Variants in FATE1 observed in about 807,000 individuals in gnomAD.
The protein encoded by FATE1 is fetal and adult testis-expressed transcript protein.
FATE1 carries 18 observed loss-of-function variants against 16.0 expected under a neutral mutation model. The observed-to-expected ratio is 1.12, with a 90% CI of 0.78 to 1.66. The LOEUF (loss-of-function observed/expected upper bound fraction) is 1.66, where lower values mean the gene tolerates loss of function less well. FATE1 is among the 40% of genes most tolerant of loss of function. FATE1 has a pLI of 0.00. For missense variants in FATE1, 169 were observed against 152.7 expected (o/e 1.11, Z -0.56); for synonymous variants, 76 against 56.9 (o/e 1.34, Z -1.51).
chrX:151,722,532 C>G, intron 4 of FATE1, 96 bp from the exon 5 acceptor site: 1 of 1,153,486 alleles, frequency 8.7e-7, no homozygotes, highest in Non-Finnish European at 1.2e-6. Context: ...GCAATCAAGC[C>G]CCTTCTTGCT....
chrX:151,718,104 G>A (rs1013849511), intron 2 of FATE1, among the ~76,000 whole-genome samples: 53 of 79,760 alleles, frequency 6.6e-4, no homozygotes, highest in African/African-American at 2.6e-3. Flanking sequence ...GAAAGAAAGA[G>A]AGAGAGAGGA....
chrX:151,716,304 A>G (rs2015059181), intron 1 of FATE1, 79 bp downstream of exon 1: 2 of 857,612 alleles, frequency 2.3e-6, no homozygotes, highest in Non-Finnish European at 3.3e-6. Context: ...TGTGTGTTGG[A>G]AAAGGTGCAT....
At chrX:151,719,269 A>G (rs1249282712) in intron 2 of FATE1, among the ~76,000 whole-genome samples, 1 of 112,300 alleles carries the variant, frequency 8.9e-6, no homozygotes, top group African/African-American at 3.2e-5. Flanking sequence ...CTCTAGGAGA[A>G]CCATAATATG....
rs770793585 is a variant in FATE1, at chrX:151,721,918, T to A, written c.357T>A (p.Asp119Glu). The change falls in exon 4 of 5, where the codon GAT becomes GAA. Residue 119 changes from aspartate (D) to glutamate (E), a missense_variant. By Grantham distance (45) the Asp-to-Glu change is conservative. Transcript: ENST00000370350. The stretch of plus-strand genomic sequence containing the variant: ...TCTCTCCCAGCAACCCAGGGACAGA[T>A]GCAGTGGCGCAGACTAGCCTGGAAG... ...RFHYDRNPGTDAVAQTSLEEF... is the reference protein window; with the variant it reads ...RFHYDRNPGTEAVAQTSLEEF... The A allele has an allele frequency of 2.5e-6, 3 of 1,211,293 alleles. No individual in the cohort carries two copies. Among genetic ancestry groups the A allele is most frequent in the African/African-American group, 1.7e-5 (1 of 57,659 alleles).
chrX:151,718,386 G>T (rs2015085864), intron 2 of FATE1, among the ~76,000 whole-genome samples: 1 of 112,249 alleles, frequency 8.9e-6, no homozygotes, highest in Non-Finnish European at 1.9e-5. Context: ...AAATGATATT[G>T]GGAAAACACA....
At chrX:151,717,218 A>G in intron 1 of FATE1, 54 bp from the exon 2 acceptor site, 2 of 1,170,694 alleles carry the variant, frequency 1.7e-6, no homozygotes, top group Non-Finnish European at 2.3e-6. Context: ...TGTGCCCAAG[A>G]AACCCTGGTG....
rs747432704 is a variant in FATE1 at position 151,722,678 on chromosome X, C to T, written c.471C>T (p.Thr157=). 1 of 1,211,936 alleles carries T rather than the reference C, an allele frequency of 8.3e-7. No individual in the cohort carries two copies. The highest frequency in any genetic ancestry group is 1.8e-5 in the South Asian group (1 of 57,013). The change falls in exon 5 of 5, where the codon ACC becomes ACT. Residue 157 remains threonine (T), a synonymous_variant. Transcript: ENST00000370350. ...GCGCCCTGGAGGAACAGGGCGCCAC[C>T]TGGCGCCACAGGGAGACCCTGATCA... ...RLRALEEQGA[T]WRHRETLIIA...
intron 2 of FATE1, among the ~76,000 whole-genome samples, chrX:151,720,194 T>C (rs1431725240): frequency 9.0e-6 from 1 of 111,371 alleles, no homozygotes; most frequent in Non-Finnish European, 1.9e-5. Flanking sequence ...CCCTCCTTTC[T>C]TGTGATATGC....
rs1286610207 is a variant in FATE1 at position 151,723,122 on chromosome X, G to A, written c.*363G>A. The A allele has an allele frequency of 1.7e-5, 3 of 176,013 alleles. No homozygotes were observed. Among genetic ancestry groups the A allele is most frequent in the South Asian group, 1.3e-4 (1 of 7,504 alleles). The allele number at this position is 176,013 out of a possible 1,213,427, so 14.5% of individuals were successfully genotyped here. ...GGGTGTGGCTTTGTTTTCCTCCCTC[G>A]TTTGCTTCCACCTCGTGCACAGCGC... On this transcript the variant is annotated 3_prime_UTR_variant, in exon 5 of 5. Coordinates refer to ENST00000370350, the MANE Select transcript of FATE1 (RefSeq NM_033085.3).
chrX:151,716,355 C>A, intron 1 of FATE1, 130 bp downstream of exon 1: 2 of 534,038 alleles, frequency 3.7e-6, no homozygotes, highest in Non-Finnish European at 5.9e-6. Context: ...GTTGGCCGGG[C>A]TTCGAGGATT....
intron 4 of FATE1, among the ~76,000 whole-genome samples, 169 bp downstream of exon 4, chrX:151,722,150 G>A (rs1603000206): frequency 9.0e-6 from 1 of 110,654 alleles, no homozygotes; most frequent in African/African-American, 3.3e-5. Context: ...CTGACACCCC[G>A]CATAGATGTC....
chrX:151,722,719 C>G lies in FATE1; in HGVS notation c.512C>G (p.Ser171Trp). The part of the protein sequence containing the change: ...RETLIIAVLV[S>W]ASIANLWLWM... ...ACCCTGATCATCGCCGTGCTGGTGTCGGCCAGCATTGCCAACCTGTGGCTG... is the reference window on the plus strand; with the variant it reads ...ACCCTGATCATCGCCGTGCTGGTGTGGGCCAGCATTGCCAACCTGTGGCTG... Residue 171 changes from serine (S) to tryptophan (W), a missense_variant, in exon 5 of 5, where the codon TCG becomes TGG. Physicochemically the swap from Ser to Trp is radical, Grantham distance 177. Transcript: ENST00000370350. 8.3e-7 allele frequency: 1 copy of G among 1,211,777 alleles called. No homozygotes were observed. Among genetic ancestry groups the G allele is most frequent in the Non-Finnish European group, 1.1e-6 (1 of 895,296 alleles).
At position 151,721,814 on chromosome X, in the gene FATE1, C is replaced by T. The variant is rs748665313; in HGVS notation, c.342-89C>T. 7.8e-5 allele frequency: 64 copies of T among 818,885 alleles called. 1 individual carries two copies. Among genetic ancestry groups the T allele is most frequent in the African/African-American group, 5.1e-4 (25 of 49,500 alleles). The allele number at this position is 818,885 out of a possible 1,213,427, so 67.5% of individuals were successfully genotyped here. On this transcript the variant is annotated intron_variant, in intron 3 of 4. Transcript: ENST00000370350. ...ATAGAGTCACTGTCCAAGAAGATCACGACCTTACCTGCTTGACCTCACTGC... is the reference window on the plus strand; with the variant it reads ...ATAGAGTCACTGTCCAAGAAGATCATGACCTTACCTGCTTGACCTCACTGC...
rs377141316 is a variant in FATE1, at chrX:151,722,719, C to A, written c.512C>A (p.Ser171Ter). 8.3e-6 allele frequency: 10 copies of A among 1,210,797 alleles called. No individual in the cohort carries two copies. The highest frequency in any genetic ancestry group is 1.7e-5 in the African/African-American group (1 of 57,627). ...ACCCTGATCATCGCCGTGCTGGTGT[C>A]GGCCAGCATTGCCAACCTGTGGCTG... is the stretch of plus-strand genomic sequence containing the variant. ...RETLIIAVLV[S>*]ASIANLWLWM... Residue 171 changes from serine to a stop codon, truncating the protein, a stop_gained, in exon 5 of 5, where the codon TCG becomes TAG. Coordinates refer to ENST00000370350, the MANE Select transcript of FATE1 (RefSeq NM_033085.3). LOFTEE classifies it high-confidence loss of function.
intron 3 of FATE1, 70 bp downstream of exon 3, chrX:151,721,571 G>C: frequency 1.0e-6 from 1 of 961,054 alleles, no homozygotes; most frequent in Non-Finnish European, 1.5e-6. Flanking sequence ...GGGCTGGTGA[G>C]CAGCCTGGCC....
chrX:151,716,229 A>C lies in FATE1; in HGVS notation c.106+4A>C. The C allele has an allele frequency of 8.6e-7, 1 of 1,158,423 alleles. No individual in the cohort carries two copies. Among genetic ancestry groups the C allele is most frequent in the Non-Finnish European group, 1.2e-6 (1 of 864,589 alleles). ...CAAGAGCACCTGGTGATAGCAGGTG[A>C]GGATCCCCTAAAATACCCCTAGGCT... On this transcript the variant is annotated splice_donor_region_variant and intron_variant, in intron 1 of 4. Coordinates refer to ENST00000370350, the MANE Select transcript of FATE1 (RefSeq NM_033085.3).
rs773605558 is a variant in FATE1 at position 151,722,502 on chromosome X, C to G, written c.421-126C>G. 7.3e-5 allele frequency: 75 copies of G among 1,028,670 alleles called. No individual in the cohort carries two copies. The South Asian group carries it at 1.5e-3, about 21-fold the overall frequency. The allele number at this position is 1,028,670 out of a possible 1,213,427, so 84.8% of individuals were successfully genotyped here. The stretch of plus-strand genomic sequence containing the variant: ...CCTCCTGCTTCTCACTAGGGGCGCT[C>G]CCCGCTCCACCGCCAAAGGGCAATC... On this transcript the variant is annotated intron_variant, in intron 4 of 4. Coordinates refer to ENST00000370350, the MANE Select transcript of FATE1 (RefSeq NM_033085.3).
Position 151,722,764 on chromosome X carries a change from C to T in FATE1, c.*5C>T, listed in dbSNP as rs781494439. 8.3e-7 allele frequency: 1 copy of T among 1,200,087 alleles called. No homozygotes were observed. Among genetic ancestry groups the T allele is most frequent in the South Asian group, 1.8e-5 (1 of 55,010 alleles). On this transcript the variant is annotated 3_prime_UTR_variant, in exon 5 of 5. Transcript: ENST00000370350. ...TGGCTGTGGATGAACCAGTGATCGCCCCAGCGCGGCCTCCGTATTGGAGCC... is the reference window on the plus strand; with the variant it reads ...TGGCTGTGGATGAACCAGTGATCGCTCCAGCGCGGCCTCCGTATTGGAGCC...
rs138758463 is a variant in FATE1 at position 151,716,049 on chromosome X, G to A, written c.-71G>A. The A allele has an allele frequency of 1.5e-5, 14 of 920,863 alleles. No homozygotes were observed. The Middle Eastern group carries it at 1.5e-3, about 95-fold the overall frequency. 75.9% of individuals were successfully genotyped at this position (920,863 alleles called of 1,213,427 possible). On this transcript the variant is annotated 5_prime_UTR_variant, in exon 1 of 5. Coordinates refer to ENST00000370350, the MANE Select transcript of FATE1 (RefSeq NM_033085.3). Reference sequence around the variant, plus strand: ...CTGTTTCCGGAAGAGGTGATTTTCTGAGTGTGACTCCTCTGTTCCTGGCAC... The same window carrying A: ...CTGTTTCCGGAAGAGGTGATTTTCTAAGTGTGACTCCTCTGTTCCTGGCAC...
Sources: allele counts gnomAD v4.1 joint callset (sites outside exome capture counted in the v4.1 genomes callset), GRCh38; gene constraint gnomAD v4.1.1; transcripts MANE v1.5; gene names NCBI Gene and HGNC (gene_info 2026-07-23, HGNC 2026-07-21).